The following IGSF9B variants were observed in gnomAD, a reference collection of about 807,000 sequenced individuals.
IGSF9B encodes protein turtle homolog B.
In IGSF9B, 48 loss-of-function variants were observed where a neutral mutation model predicts 143.7. The ratio of observed to expected loss-of-function variants is 0.33; its 90% CI spans 0.26 to 0.42. IGSF9B has a LOEUF of 0.42. Among genes scored for constraint, IGSF9B ranks in the 20% least tolerant of loss-of-function variants. IGSF9B has a pLI of 1.00. For synonymous variants in IGSF9B, 903 were observed against 833.1 expected, an observed-to-expected ratio of 1.08 and a Z score of -1.44; for missense variants, 1,706 against 1,980.0, an observed-to-expected ratio of 0.86 and a Z score of 2.63.
intron 3 of IGSF9B, among the ~76,000 whole-genome samples, chr11:133,943,121 A>G (rs891957521): frequency 3.3e-5 from 5 of 152,128 alleles, no homozygotes; most frequent in Non-Finnish European, 7.3e-5. Flanking sequence ...AGGAACGTCA[A>G]TTTCTCTATT....
Position 133,919,797 on chromosome 11 carries a change from T to C in IGSF9B, c.3928A>G (p.Thr1310Ala). The C allele has an allele frequency of 6.6e-7, 1 of 1,506,234 alleles. No homozygotes were observed. 93.3% of individuals were successfully genotyped at this position (1,506,234 alleles called of 1,614,324 possible). The change falls in exon 18 of 20, where the codon ACG (threonine) becomes GCG (alanine). Residue 1310 changes from threonine to alanine, a missense_variant. By Grantham distance (58) the Thr-to-Ala change is moderately conservative (BLOSUM62 0). This residue lies in a region of IGSF9B where 880 missense variants were observed against 762.9 expected (regional missense o/e 1.15). Coordinates refer to ENST00000533871, the MANE Select transcript of IGSF9B (RefSeq NM_001277285.4). ...VFGQTPSPRR[T>A]GEELLRPETP... ...TCCGGTCGGAGCAATTCCTCCCCCG[T>C]CCTTCGAGGGGAAGGCGTCTGTCCA...
rs931449051 is a variant in IGSF9B, at chr11:133,948,661, G to C, written c.65-2403C>G. ...TGTGTGTGTGTGTGTGTGTGTGTGTGTGTCTACAGCACACACCTGTGAGGA... is the reference window on the plus strand; with the variant it reads ...TGTGTGTGTGTGTGTGTGTGTGTGTCTGTCTACAGCACACACCTGTGAGGA... On this transcript the variant is annotated intron_variant, in intron 1 of 19. Transcript: ENST00000533871. This position sits in a 1 kb window ranked among gnomAD's most constrained non-coding sequence, Gnocchi z 4.7. Among the ~76,000 whole-genome samples the C allele has an allele frequency of 1.5e-5, 2 of 132,552 alleles. No individual in the cohort carries two copies. Among genetic ancestry groups the C allele is most frequent in the Non-Finnish European group, 3.3e-5 (2 of 60,742 alleles). 87.0% of individuals were successfully genotyped at this position (132,552 alleles called of 152,430 possible).
At chr11:133,932,258 G>GGGACAGACAGACAGACACAGGGAC (rs1939745986) in intron 7 of IGSF9B, 45 bp from the exon 8 acceptor site, 1 of 1,483,982 alleles carries the variant, frequency 6.7e-7, no homozygotes, top group East Asian at 2.5e-5. Flanking sequence ...GACAGACACA[G>GGGACAGACAGACAGACACAGGGAC]GGACAGACAG....
At chr11:133,925,486 G>A (rs1939607192) in intron 14 of IGSF9B, among the ~76,000 whole-genome samples, 1 of 152,206 alleles carries the variant, frequency 6.6e-6, no homozygotes, top group South Asian at 2.1e-4. Context: ...TGCCCAGCTT[G>A]TAGCGGTGCC....
chr11:133,938,333 C>A (rs1208859421), intron 3 of IGSF9B, among the ~76,000 whole-genome samples: 2 of 152,158 alleles, frequency 1.3e-5, no homozygotes, highest in African/African-American at 4.8e-5. Flanking sequence ...CTTCTTGAAA[C>A]CCAGCTCAGC....
intron 1 of IGSF9B, among the ~76,000 whole-genome samples, chr11:133,956,446 G>A (rs938159978): frequency 1.3e-5 from 2 of 152,052 alleles, no homozygotes; most frequent in Non-Finnish European, 2.9e-5. Context: ...TCCTTTCCCC[G>A]AGTGCCCGGC....
intron 12 of IGSF9B, among the ~76,000 whole-genome samples, chr11:133,927,955 G>A (rs111238489): frequency 1.3e-5 from 2 of 152,306 alleles, no homozygotes; most frequent in African/African-American, 4.8e-5. Flanking sequence ...GCCAAACGTC[G>A]GAGTCAGTGC....
At chr11:133,941,563 G>A (rs906762722) in intron 3 of IGSF9B, among the ~76,000 whole-genome samples, 1 of 152,178 alleles carries the variant, frequency 6.6e-6, no homozygotes, top group Non-Finnish European at 1.5e-5. Flanking sequence ...CTCGAACTTG[G>A]GAAGAAGAGA....
chr11:133,908,928 C>A lies in IGSF9B; in HGVS notation c.*141G>T, dbSNP rs1246585018. On this transcript the variant is annotated 3_prime_UTR_variant, in exon 20 of 20. Coordinates refer to ENST00000533871, the MANE Select transcript of IGSF9B (RefSeq NM_001277285.4). ...GGCGGCCAGGATCTGGAGGGAGACA[C>A]CCGCTCTGGCAAAAGAGGGGGCATG... is the stretch of plus-strand genomic sequence containing the variant. The A allele has an allele frequency of 1.4e-6, 1 of 709,572 alleles. No individual in the cohort carries two copies. Among genetic ancestry groups the A allele is most frequent in the Non-Finnish European group, 2.3e-6 (1 of 430,404 alleles). 44.0% of individuals were successfully genotyped at this position (709,572 alleles called of 1,614,324 possible).
chr11:133,956,414 A>T (rs1337792177), intron 1 of IGSF9B, among the ~76,000 whole-genome samples: 1 of 152,008 alleles, frequency 6.6e-6, no homozygotes, highest in Non-Finnish European at 1.5e-5. Context: ...TGGTGGGCGA[A>T]GTCGACCCAG....
In IGSF9B at chr11:133,908,970, G is replaced by GCC; in HGVS notation, c.*97_*98dup. The GCC allele has an allele frequency of 1.9e-6, 2 of 1,058,324 alleles. No homozygotes were observed. The highest frequency in any genetic ancestry group is 2.7e-6 in the Non-Finnish European group (2 of 731,190). 65.6% of individuals were successfully genotyped at this position (1,058,324 alleles called of 1,614,324 possible). Reference sequence around the variant, plus strand: ...GGGGGCATGCAGGACAAAGGTCTGGGCCGCCCTTGGCAGACGGAGGAGGAC... The same window carrying GCC: ...GGGGGCATGCAGGACAAAGGTCTGGGCCCCGCCCTTGGCAGACGGAGGAGGAC... On this transcript the variant is annotated 3_prime_UTR_variant, in exon 20 of 20. Coordinates refer to ENST00000533871, the MANE Select transcript of IGSF9B (RefSeq NM_001277285.4).
chr11:133,922,387 C>G (rs1409930036), intron 16 of IGSF9B, among the ~76,000 whole-genome samples, 165 bp from the exon 17 acceptor site: 4 of 152,192 alleles, frequency 2.6e-5, no homozygotes, highest in African/African-American at 7.2e-5. Context: ...GCCCCAGCAG[C>G]CTCTCCCCAC....
At chr11:133,921,418 C>G (rs1397637875) in intron 17 of IGSF9B, 21 bp from the exon 18 acceptor site, 1 of 1,468,254 alleles carries the variant, frequency 6.8e-7, no homozygotes, top group Admixed American at 2.5e-5. Context: ...GAGCAAGAGC[C>G]GGGAGGGGAT....
chr11:133,956,515 C>T (rs1237473813), intron 1 of IGSF9B, among the ~76,000 whole-genome samples, 176 bp downstream of exon 1: 5 of 62,346 alleles, frequency 8.0e-5, no homozygotes, highest in African/African-American at 3.4e-4. Flanking sequence ...CCCAGGCCCT[C>T]CCCGGCAATG....
intron 18 of IGSF9B, among the ~76,000 whole-genome samples, chr11:133,912,693 A>G (rs1172523779): frequency 6.6e-6 from 1 of 152,264 alleles, no homozygotes; most frequent in Non-Finnish European, 1.5e-5. Flanking sequence ...GGCAGGAGAT[A>G]ACAGCAGAAC....
chr11:133,946,870 G>A (rs1004088746), intron 1 of IGSF9B, among the ~76,000 whole-genome samples: 3 of 152,210 alleles, frequency 2.0e-5, no homozygotes, highest in African/African-American at 4.8e-5. Flanking sequence ...GCTGCTCGTG[G>A]CAACACCAGA....
chr11:133,918,320 CA>C (rs1306227872), intron 18 of IGSF9B, among the ~76,000 whole-genome samples: 1 of 149,354 alleles, frequency 6.7e-6, no homozygotes, highest in African/African-American at 2.5e-5. Flanking sequence ...CAATCAGAAA[CA>C]AAGCAGTTAC....
At position 133,907,621 on chromosome 11, in the gene IGSF9B, C is replaced by G. The variant is rs1176762607; in HGVS notation, c.*1448G>C. ...CCATATCTTACCGGCAGAGAGACAT[C>G]TTAGTGGGAAGATGATCTCAGGAAG... On this transcript the variant is annotated 3_prime_UTR_variant, in exon 20 of 20. Coordinates refer to ENST00000533871, the MANE Select transcript of IGSF9B (RefSeq NM_001277285.4). Among the ~76,000 whole-genome samples the G allele has an allele frequency of 6.6e-6, 1 of 152,234 alleles. No homozygotes were observed. The highest frequency in any genetic ancestry group is 2.4e-5 in the African/African-American group (1 of 41,470).
At chr11:133,935,969 C>T (rs948095216) in intron 6 of IGSF9B, 84 bp downstream of exon 6, 1 of 1,517,732 alleles carries the variant, frequency 6.6e-7, no homozygotes, top group Non-Finnish European at 8.9e-7. Flanking sequence ...CACGGGCAGC[C>T]TGCCCGTGCA....
Sources: allele counts gnomAD v4.1 joint callset (sites outside exome capture counted in the v4.1 genomes callset), GRCh38; gene constraint gnomAD v4.1.1; regional missense constraint gnomAD v4.1.1; non-coding constraint Gnocchi (gnomAD v3.1); transcripts MANE v1.5; gene names NCBI Gene and HGNC (gene_info 2026-07-23, HGNC 2026-07-21).